ADAMTS6: variants seen among roughly 807,000 people sequenced by gnomAD.
ADAMTS6 encodes ADAM metallopeptidase with thrombospondin type 1 motif 6.
ADAMTS6 carries 23 observed loss-of-function variants against 144.3 expected under a neutral mutation model. The ratio of observed to expected loss-of-function variants is 0.16; its 90% CI spans 0.11 to 0.23. The LOEUF (loss-of-function observed/expected upper bound fraction) is 0.23. Among genes scored for constraint, ADAMTS6 ranks in the 10% least tolerant of loss-of-function variants. The probability of loss-of-function intolerance (pLI) is 1.00; values close to 1 mark genes in which losing one functional copy is unlikely to be tolerated. For missense variants in ADAMTS6, 999 were observed against 1,379.6 expected, an observed-to-expected ratio of 0.72 and a Z score of 4.37; for synonymous variants, 444 against 457.5, an observed-to-expected ratio of 0.97 and a Z score of 0.38.
chr5:65,256,959 TTTTC>T lies in ADAMTS6; in HGVS notation c.1830+3637_1830+3640del, dbSNP rs1360354736. ...TCTGGTTTAATAAATAAGGGTCACTTTTTCTCTCTCTCTCTCTCTCTCTCTCTTT... is the reference window on the plus strand; with the variant it reads ...TCTGGTTTAATAAATAAGGGTCACTTTCTCTCTCTCTCTCTCTCTCTCTTT... On this transcript the variant is annotated intron_variant, in intron 14 of 24. Transcript: ENST00000381055. Among the ~76,000 whole-genome samples the T allele has an allele frequency of 1.3e-3, 178 of 141,644 alleles. 1 individual carries two copies. The highest frequency in any genetic ancestry group is 2.2e-3 in the Non-Finnish European group (144 of 66,572). The allele number at this position is 141,644 out of a possible 152,430, so 92.9% of individuals were successfully genotyped here. A position where few individuals can be genotyped will look rare whatever the true frequency, so the allele number is the denominator to read the frequency against.
intron 7 of ADAMTS6, among the ~76,000 whole-genome samples, chr5:65,421,050 T>C (rs1013785458): frequency 6.6e-6 from 1 of 152,222 alleles, no homozygotes; most frequent in Non-Finnish European, 1.5e-5. Context: ...AAGTGGAGCA[T>C]TTAGAACATT....
At chr5:65,227,040 T>C (rs55668732) in intron 15 of ADAMTS6, among the ~76,000 whole-genome samples, 1,532 of 152,352 alleles carry the variant, frequency 0.01, 19 homozygotes, top group Non-Finnish European at 0.014. Flanking sequence ...TGTACCTGCC[T>C]TAAGCATATC....
intron 9 of ADAMTS6, among the ~76,000 whole-genome samples, chr5:65,326,449 T>A (rs1295956701): frequency 1.3e-5 from 2 of 152,166 alleles, no homozygotes; most frequent in Non-Finnish European, 2.9e-5. Context: ...ATAAAAGTGG[T>A]CACTAAGGCT....
chr5:65,478,092 A>G (rs958386668), intron 1 of ADAMTS6, among the ~76,000 whole-genome samples: 3 of 151,964 alleles, frequency 2.0e-5, no homozygotes, highest in Admixed American at 2.0e-4. Context: ...ACGCCACTGC[A>G]CTGCAGCCTG....
intron 7 of ADAMTS6, among the ~76,000 whole-genome samples, chr5:65,401,647 A>G (rs1753923865): frequency 6.6e-6 from 1 of 152,184 alleles, no homozygotes; most frequent in Admixed American, 6.5e-5. Flanking sequence ...TTCCTATCCC[A>G]GCACTGGTTT....
At chr5:65,438,362 A>G (rs1290876634) in intron 7 of ADAMTS6, among the ~76,000 whole-genome samples, 2 of 152,130 alleles carry the variant, frequency 1.3e-5, no homozygotes, top group African/African-American at 4.8e-5. Flanking sequence ...ACCCATCTCT[A>G]CTAAAAACAC....
intron 20 of ADAMTS6, among the ~76,000 whole-genome samples, chr5:65,202,699 G>A (rs180881859): frequency 2.6e-5 from 4 of 152,258 alleles, no homozygotes; most frequent in Admixed American, 6.5e-5. Context: ...TCACTGATCT[G>A]AAGAACTCTT....
chr5:65,253,988 G>A (rs1760435453), intron 14 of ADAMTS6, among the ~76,000 whole-genome samples: 1 of 151,478 alleles, frequency 6.6e-6, no homozygotes, highest in African/African-American at 2.4e-5. Flanking sequence ...AGGACTACAG[G>A]CACGCACCAC....
At position 65,429,405 on chromosome 5, in the gene ADAMTS6, G is replaced by A. The variant is rs143333749; in HGVS notation, c.1073+22070C>T. ...CATCATTTCTGAAGGCTCCAGTGTC[G>A]CATAAAACTTATATTAATGATGTGA... On this transcript the variant is annotated intron_variant, in intron 7 of 24. Transcript: ENST00000381055. 8.4e-4 allele frequency among the ~76,000 whole-genome samples: 128 copies of A among 152,092 alleles called. 1 individual carries two copies. Among genetic ancestry groups the A allele is most frequent in the African/African-American group, 2.6e-3 (109 of 41,504 alleles).
chr5:65,235,294 T>A (rs1419214888), intron 15 of ADAMTS6, among the ~76,000 whole-genome samples: 1 of 152,220 alleles, frequency 6.6e-6, no homozygotes, highest in Non-Finnish European at 1.5e-5. Context: ...TCACAGCATA[T>A]ATGTATATCA....
At chr5:65,251,295 C>T (rs1251785063) in intron 14 of ADAMTS6, 2 of 152,180 alleles carry the variant, frequency 1.3e-5, no homozygotes, top group Non-Finnish European at 2.9e-5. Context: ...TCTCTATGTG[C>T]AAAAACGAGA....
chr5:65,174,601 G>A (rs921857079), intron 22 of ADAMTS6, among the ~76,000 whole-genome samples: 11 of 152,212 alleles, frequency 7.2e-5, no homozygotes, highest in Non-Finnish European at 1.5e-4. Flanking sequence ...CTCCATTTGA[G>A]TGGAAGCGTG....
At chr5:65,324,522 A>G (rs1353442184) in intron 9 of ADAMTS6, among the ~76,000 whole-genome samples, 1 of 151,938 alleles carries the variant, frequency 6.6e-6, no homozygotes, top group African/African-American at 2.4e-5. Context: ...ATATATACAC[A>G]TATATAAACT....
At chr5:65,452,647 AC>A in intron 5 of ADAMTS6, 59 bp downstream of exon 5, 1 of 1,562,224 alleles carries the variant, frequency 6.4e-7, no homozygotes, top group African/African-American at 1.4e-5. Flanking sequence ...AAAATTTATG[AC>A]CTTAGTCAAA....
chr5:65,319,375 A>G (rs865856730), intron 9 of ADAMTS6, among the ~76,000 whole-genome samples: 2 of 151,734 alleles, frequency 1.3e-5, no homozygotes, highest in South Asian at 4.2e-4. Context: ...GGAGTAGACA[A>G]TGAAATAGAA....
intron 13 of ADAMTS6, among the ~76,000 whole-genome samples, chr5:65,261,455 C>A (rs1761186542): frequency 1.5e-5 from 2 of 137,328 alleles, no homozygotes; most frequent in East Asian, 4.3e-4. Flanking sequence ...TATTATTTAT[C>A]ACAGGGTTTT....
At chr5:65,443,586 G>A (rs1561546435) in intron 7 of ADAMTS6, among the ~76,000 whole-genome samples, 2 of 120,108 alleles carry the variant, frequency 1.7e-5, no homozygotes, top group Non-Finnish European at 3.1e-5. Flanking sequence ...TCACAACACT[G>A]CACTCCAGCC....
chr5:65,362,278 T>A (rs1452223793), intron 7 of ADAMTS6, among the ~76,000 whole-genome samples: 2 of 152,206 alleles, frequency 1.3e-5, no homozygotes, highest in Non-Finnish European at 2.9e-5. Flanking sequence ...GGTAACTAGC[T>A]ATATATACCA....
Position 65,224,916 on chromosome 5 carries a change from A to C in ADAMTS6, c.2191+8T>G. 1.2e-6 allele frequency: 2 copies of C among 1,611,422 alleles called. No individual in the cohort carries two copies. The highest frequency in any genetic ancestry group is 1.7e-6 in the Non-Finnish European group (2 of 1,179,132). On this transcript the variant is annotated splice_region_variant and intron_variant, in intron 17 of 24. Coordinates refer to ENST00000381055, the MANE Select transcript of ADAMTS6 (RefSeq NM_197941.4). ...AGGTGTGAGGAAGAGTTCTCTCTAC[A>C]TACTCACCTCCCCTGGGCAGTGAAT...
Sources: allele counts gnomAD v4.1 joint callset (sites outside exome capture counted in the v4.1 genomes callset), GRCh38; gene constraint gnomAD v4.1.1; transcripts MANE v1.5; gene names NCBI Gene and HGNC (gene_info 2026-07-23, HGNC 2026-07-21).